The following ATRNL1 variants were observed in gnomAD, a reference collection of about 807,000 sequenced individuals.
The protein encoded by ATRNL1 is attractin-like protein 1.
In ATRNL1, 95 loss-of-function variants were observed where a neutral mutation model predicts 182.7. The ratio of observed to expected loss-of-function variants is 0.52; its 90% CI spans 0.44 to 0.62. The LOEUF (loss-of-function observed/expected upper bound fraction) is 0.62, where lower values mean the gene tolerates loss of function less well. Among genes scored for constraint, ATRNL1 ranks in the 20% least tolerant of loss-of-function variants. The pLI, the probability that ATRNL1 is intolerant of heterozygous loss-of-function variation, is 0.00. For synonymous variants in ATRNL1, 576 were observed against 568.3 expected, an observed-to-expected ratio of 1.01 and a Z score of -0.19; for missense variants, 1,471 against 1,679.5, an observed-to-expected ratio of 0.88 and a Z score of 2.17.
At chr10:115,855,711 T>C (rs568971414) in intron 28 of ATRNL1, among the ~76,000 whole-genome samples, 1 of 152,320 alleles carries the variant, frequency 6.6e-6, no homozygotes, top group East Asian at 1.9e-4. Flanking sequence ...ATAATTCATG[T>C]AGGATGGATC....
chr10:115,715,113 C>A (rs1947208540), intron 26 of ATRNL1, among the ~76,000 whole-genome samples: 1 of 152,282 alleles, frequency 6.6e-6, no homozygotes, highest in Non-Finnish European at 1.5e-5. Context: ...GTAAGAAATA[C>A]ACAGATGCCT....
At chr10:115,817,311 ATTAT>A (rs566916762) in intron 27 of ATRNL1, among the ~76,000 whole-genome samples, 53 of 152,222 alleles carry the variant, frequency 3.5e-4, no homozygotes, top group African/African-American at 1.3e-3. Flanking sequence ...AAATCATGAA[ATTAT>A]TTATGAGGTC....
intron 24 of ATRNL1, among the ~76,000 whole-genome samples, chr10:115,506,924 T>C (rs566348228): frequency 6.6e-6 from 1 of 152,218 alleles, no homozygotes; most frequent in South Asian, 2.1e-4. Flanking sequence ...TTTGCCAAGG[T>C]TGAGGACATG....
intron 26 of ATRNL1, among the ~76,000 whole-genome samples, chr10:115,637,284 C>T (rs1555028523): frequency 6.6e-6 from 1 of 152,068 alleles, no homozygotes; most frequent in Non-Finnish European, 1.5e-5. Flanking sequence ...GAGATGACAG[C>T]TTCATGAATG....
intron 21 of ATRNL1, among the ~76,000 whole-genome samples, chr10:115,430,420 T>C (rs887699494): frequency 1.3e-5 from 2 of 152,144 alleles, no homozygotes; most frequent in African/African-American, 4.8e-5. Flanking sequence ...TTTAAAATTA[T>C]CATTTTTTTA....
chr10:115,637,596 T>TTTATTATTA (rs1555028647), intron 26 of ATRNL1, among the ~76,000 whole-genome samples: 3 of 97,296 alleles, frequency 3.1e-5, no homozygotes, highest in African/African-American at 7.6e-5. Flanking sequence ...CTAAAGTCAA[T>TTTATTATTA]TTATTACTAT....
chr10:115,418,708 G>A lies in ATRNL1; in HGVS notation c.3270-7542G>A, dbSNP rs1845516654. 2.6e-5 allele frequency among the ~76,000 whole-genome samples: 4 copies of A among 152,160 alleles called. No individual in the cohort carries two copies. In the South Asian group the frequency reaches 8.3e-4, roughly 32 times the overall value. On this transcript the variant is annotated intron_variant, in intron 20 of 28. Transcript: ENST00000355044. Reference sequence around the variant, plus strand: ...TCTAGAAAGAAGTGAGAAAAAAGAAGCAAATAACATTTAAGAGAGATCTAA... The same window carrying A: ...TCTAGAAAGAAGTGAGAAAAAAGAAACAAATAACATTTAAGAGAGATCTAA...
intron 26 of ATRNL1, among the ~76,000 whole-genome samples, chr10:115,591,538 C>T (rs1555012258): frequency 6.6e-6 from 1 of 152,168 alleles, no homozygotes; most frequent in East Asian, 1.9e-4. Flanking sequence ...CTTTATCATA[C>T]AAGACTTATT....
At chr10:115,435,692 A>G (rs1554964701) in intron 21 of ATRNL1, among the ~76,000 whole-genome samples, 3 of 152,172 alleles carry the variant, frequency 2.0e-5, no homozygotes, top group Non-Finnish European at 4.4e-5. Context: ...CAAGTACTCT[A>G]TCCCCAGCTA....
chr10:115,662,168 C>G (rs553115278), intron 26 of ATRNL1, among the ~76,000 whole-genome samples: 146 of 151,952 alleles, frequency 9.6e-4, no homozygotes, highest in Non-Finnish European at 1.8e-3. Context: ...TTTCTTAATC[C>G]AGTCTATCAT....
chr10:115,936,538 G>T (rs1555122893), intron 28 of ATRNL1, among the ~76,000 whole-genome samples: 1 of 151,958 alleles, frequency 6.6e-6, no homozygotes, highest in Non-Finnish European at 1.5e-5. Flanking sequence ...ATTTCTTATT[G>T]GTAGTAACAG....
At chr10:115,652,852 A>G (rs750355489) in intron 26 of ATRNL1, among the ~76,000 whole-genome samples, 34 of 152,130 alleles carry the variant, frequency 2.2e-4, no homozygotes, top group Non-Finnish European at 4.3e-4. Context: ...TTTGTCATTT[A>G]TTATAGATGA....
At chr10:115,135,730 A>G (rs1437583115) in intron 5 of ATRNL1, among the ~76,000 whole-genome samples, 3 of 152,204 alleles carry the variant, frequency 2.0e-5, no homozygotes, top group African/African-American at 7.2e-5. Flanking sequence ...TGCCAAGTCA[A>G]TCCTAAGCCA....
chr10:115,560,200 T>G (rs1292723756), intron 26 of ATRNL1, among the ~76,000 whole-genome samples: 1 of 152,176 alleles, frequency 6.6e-6, no homozygotes, highest in East Asian at 1.9e-4. Flanking sequence ...ATATGCTATG[T>G]GTATTAGTCC....
chr10:115,564,523 A>G lies in ATRNL1; in HGVS notation c.3795+14987A>G, dbSNP rs551503030. ...ATTTGGTATTATAAAATTTTATTCT[A>G]TTAATGGAAGAGATTTTTAGAAGTC... On this transcript the variant is annotated intron_variant, in intron 26 of 28. Coordinates refer to ENST00000355044, the MANE Select transcript of ATRNL1 (RefSeq NM_207303.4). Among the ~76,000 whole-genome samples, 15 of 151,966 alleles carry G rather than the reference A, an allele frequency of 9.9e-5. No individual in the cohort carries two copies. The East Asian group carries it at 2.9e-3, about 29-fold the overall frequency.
chr10:115,105,455 G>C (rs1843965390), intron 1 of ATRNL1, among the ~76,000 whole-genome samples: 1 of 152,224 alleles, frequency 6.6e-6, no homozygotes, highest in Admixed American at 6.5e-5. Flanking sequence ...ATTTAAGCCA[G>C]CTGCAGAAAT....
intron 25 of ATRNL1, among the ~76,000 whole-genome samples, chr10:115,530,626 CTTTTTA>C (rs1388035496): frequency 4.0e-5 from 6 of 151,550 alleles, no homozygotes; most frequent in Non-Finnish European, 5.9e-5. Flanking sequence ...AAAAATAAGA[CTTTTTA>C]TTATTATTAT....
chr10:115,859,281 A>G (rs1179813235), intron 28 of ATRNL1, among the ~76,000 whole-genome samples: 3 of 152,052 alleles, frequency 2.0e-5, no homozygotes, highest in African/African-American at 7.2e-5. Flanking sequence ...AAGGGTTCTG[A>G]GTCTCAGAAT....
intron 27 of ATRNL1, among the ~76,000 whole-genome samples, chr10:115,748,025 A>G (rs1196241714): frequency 1.3e-5 from 2 of 152,034 alleles, no homozygotes; most frequent in African/African-American, 4.8e-5. Flanking sequence ...ATTAGATTTC[A>G]TATGAATTTG....
Sources: allele counts gnomAD v4.1 joint callset (sites outside exome capture counted in the v4.1 genomes callset), GRCh38; gene constraint gnomAD v4.1.1; transcripts MANE v1.5; gene names NCBI Gene and HGNC (gene_info 2026-07-23, HGNC 2026-07-21).